The following LRMDA variants were observed in gnomAD, a reference collection of about 807,000 sequenced individuals.
The protein encoded by LRMDA is leucine-rich melanocyte differentiation-associated protein.
A neutral mutation model predicts 29.8 loss-of-function variants in LRMDA; 18 were observed. The observed-to-expected ratio is 0.60, with a 90% CI of 0.42 to 0.90. LRMDA has a LOEUF of 0.90. LRMDA is among the 40% of genes least tolerant of loss of function. LRMDA has a pLI of 0.00. For synonymous variants in LRMDA, 125 were observed against 109.4 expected (o/e 1.14, Z -0.89); for missense variants, 273 against 273.9 (o/e 1.00, Z 0.02).
intron 5 of LRMDA, among the ~76,000 whole-genome samples, chr10:76,290,411 C>CTTTTTTTTT (rs11321369): frequency 3.9e-5 from 3 of 76,730 alleles, no homozygotes; most frequent in Non-Finnish European, 6.9e-5. Context: ...TTTATTTTCT[C>CTTTTTTTTT]TTTTTTTTTT....
chr10:75,863,439 G>A lies in LRMDA; in HGVS notation c.132-172569G>A, dbSNP rs772616236. ...TTTGGGGATGATCTGGTGTTCTGTG[G>A]ATGAGCACTTTTCTTACAGCTTGGT... On this transcript the variant is annotated intron_variant, in intron 2 of 6. Coordinates refer to ENST00000611255, the MANE Select transcript of LRMDA (RefSeq NM_001305581.2). 8.5e-5 allele frequency among the ~76,000 whole-genome samples: 13 copies of A among 152,288 alleles called. No individual in the cohort carries two copies. In the Middle Eastern group the frequency reaches 0.01, roughly 120 times the overall value.
At chr10:75,748,037 T>C (rs150069965) in intron 2 of LRMDA, among the ~76,000 whole-genome samples, 7 of 152,326 alleles carry the variant, frequency 4.6e-5, no homozygotes, top group African/African-American at 1.7e-4. Flanking sequence ...TTGTGAGCTA[T>C]CATTTGCTAT....
intron 5 of LRMDA, among the ~76,000 whole-genome samples, chr10:76,164,327 T>C (rs535539245): frequency 6.6e-6 from 1 of 152,330 alleles, no homozygotes; most frequent in East Asian, 1.9e-4. Flanking sequence ...CATCATATTA[T>C]AGAGCTGGCA....
At chr10:75,913,147 A>G (rs1054163429) in intron 2 of LRMDA, among the ~76,000 whole-genome samples, 1 of 152,158 alleles carries the variant, frequency 6.6e-6, no homozygotes, top group African/African-American at 2.4e-5. Context: ...ACAAACATGT[A>G]TAATAATATT....
At chr10:76,160,549 GAT>G (rs1352741809) in intron 5 of LRMDA, among the ~76,000 whole-genome samples, 1 of 152,080 alleles carries the variant, frequency 6.6e-6, no homozygotes, top group Non-Finnish European at 1.5e-5. Flanking sequence ...GATGTGAGTA[GAT>G]ATAGTTGAAA....
chr10:76,149,261 G>A (rs1300135639), intron 5 of LRMDA, among the ~76,000 whole-genome samples: 1 of 152,228 alleles, frequency 6.6e-6, no homozygotes, highest in Non-Finnish European at 1.5e-5. Context: ...TAATGCAGCA[G>A]TCAAGGAGTG....
At chr10:75,964,604 C>T (rs1018184642) in intron 2 of LRMDA, among the ~76,000 whole-genome samples, 3 of 152,120 alleles carry the variant, frequency 2.0e-5, no homozygotes, top group Admixed American at 6.5e-5. Context: ...AGTTCTATGA[C>T]CATAAAGCAG....
intron 2 of LRMDA, among the ~76,000 whole-genome samples, chr10:75,472,384 T>G (rs1012004001): frequency 1.3e-5 from 2 of 152,188 alleles, no homozygotes; most frequent in Non-Finnish European, 2.9e-5. Context: ...TAACGACCCA[T>G]TTGAGGTGGG....
intron 5 of LRMDA, among the ~76,000 whole-genome samples, chr10:76,089,502 A>G (rs181192736): frequency 1.3e-5 from 2 of 152,246 alleles, no homozygotes; most frequent in East Asian, 3.8e-4. Flanking sequence ...AGCTCTTGGT[A>G]TGCAGGCTTG....
chr10:75,883,983 C>T lies in LRMDA; in HGVS notation c.132-152025C>T, dbSNP rs200494557. ...CATTGTGAGGCGTTTGTTGTTAAAT[C>T]GGAGGCATAAGGAGGGGTTTTGACC... On this transcript the variant is annotated intron_variant, in intron 2 of 6. Coordinates refer to ENST00000611255, the MANE Select transcript of LRMDA (RefSeq NM_001305581.2). Among the ~76,000 whole-genome samples, 22 of 151,906 alleles carry T rather than the reference C, an allele frequency of 1.4e-4. No homozygotes were observed. In the East Asian group the frequency reaches 3.7e-3, roughly 26 times the overall value.
At chr10:76,324,206 C>T (rs1231389516) in intron 5 of LRMDA, among the ~76,000 whole-genome samples, 195 bp from the exon 6 acceptor site, 1 of 152,182 alleles carries the variant, frequency 6.6e-6, no homozygotes, top group East Asian at 1.9e-4. Context: ...TACTGAGGCC[C>T]CTCAAAGCTT....
intron 2 of LRMDA, among the ~76,000 whole-genome samples, chr10:75,692,512 T>G (rs1288812500): frequency 6.6e-6 from 1 of 151,260 alleles, no homozygotes; most frequent in East Asian, 1.9e-4. Context: ...TGTATACATG[T>G]GTGTATACAC....
chr10:75,814,169 G>C (rs1001244432), intron 2 of LRMDA, among the ~76,000 whole-genome samples: 6 of 152,182 alleles, frequency 3.9e-5, no homozygotes, highest in African/African-American at 1.4e-4. Context: ...CTGCTTTTCT[G>C]TCTGGAAGAC....
intron 5 of LRMDA, among the ~76,000 whole-genome samples, chr10:76,198,238 A>G (rs1014465567): frequency 6.6e-6 from 1 of 152,244 alleles, no homozygotes; most frequent in East Asian, 1.9e-4. Flanking sequence ...TACTGTGCCT[A>G]GAAACCACCT....
In LRMDA at chr10:76,376,874, T is replaced by G; in HGVS notation, c.601+52389T>G. ...TTGGGCACTTGGAAGTCTTTTTTTT[T>G]TTTTTTTTTTTTTTTTTTTTTTTTT... is the stretch of plus-strand genomic sequence containing the variant. On this transcript the variant is annotated intron_variant, in intron 6 of 6. Coordinates refer to ENST00000611255, the MANE Select transcript of LRMDA (RefSeq NM_001305581.2). Among the ~76,000 whole-genome samples, 2 of 95,512 alleles carry G rather than the reference T, an allele frequency of 2.1e-5. 1 individual carries two copies. The highest frequency in any genetic ancestry group is 2.1e-4 in the Admixed American group (2 of 9,572). 62.7% of individuals were successfully genotyped at this position (95,512 alleles called of 152,430 possible).
chr10:75,753,638 G>A (rs1312346916), intron 2 of LRMDA, among the ~76,000 whole-genome samples: 1 of 152,192 alleles, frequency 6.6e-6, no homozygotes, highest in Non-Finnish European at 1.5e-5. Context: ...GCCAGCCTGT[G>A]GAGAGGGTTG....
chr10:75,926,820 C>A (rs1051275061), intron 2 of LRMDA, among the ~76,000 whole-genome samples: 2 of 152,136 alleles, frequency 1.3e-5, no homozygotes, highest in African/African-American at 2.4e-5. Flanking sequence ...CAGCAGGAGA[C>A]CTTGTTGTTT....
At chr10:75,686,947 G>C (rs1046311211) in intron 2 of LRMDA, among the ~76,000 whole-genome samples, 2 of 152,044 alleles carry the variant, frequency 1.3e-5, no homozygotes, top group Non-Finnish European at 2.9e-5. Flanking sequence ...CATGAACTTT[G>C]ATGTTCCCAT....
intron 2 of LRMDA, among the ~76,000 whole-genome samples, chr10:75,486,680 T>C (rs997035087): frequency 6.6e-6 from 1 of 151,974 alleles, no homozygotes; most frequent in Non-Finnish European, 1.5e-5. Context: ...GGGCCTAGGG[T>C]GAGTCTGGCA....
Sources: allele counts gnomAD v4.1 joint callset (sites outside exome capture counted in the v4.1 genomes callset), GRCh38; gene constraint gnomAD v4.1.1; transcripts MANE v1.5; gene names NCBI Gene and HGNC (gene_info 2026-07-23, HGNC 2026-07-21).